COL19A1: variants seen among roughly 807,000 people sequenced by gnomAD.
The protein encoded by COL19A1 is collagen alpha-1(XIX) chain.
A neutral mutation model predicts 190.2 loss-of-function variants in COL19A1; 159 were observed. The observed-to-expected ratio is 0.84, with a 90% CI of 0.73 to 0.95. The LOEUF is 0.95. Among genes scored for constraint, COL19A1 ranks in the 40% least tolerant of loss-of-function variants. The probability of loss-of-function intolerance (pLI) is 0.00; values close to 1 mark genes in which losing one functional copy is unlikely to be tolerated. For synonymous variants in COL19A1, 509 were observed against 458.9 expected (o/e 1.11, Z -1.39); for missense variants, 1,418 against 1,431.9 (o/e 0.99, Z 0.16).
intron 2 of COL19A1, among the ~76,000 whole-genome samples, chr6:69,880,198 A>G (rs1768439612): frequency 6.6e-6 from 1 of 152,240 alleles, no homozygotes; most frequent in Non-Finnish European, 1.5e-5. Flanking sequence ...TAAATGTATC[A>G]GTCTTTTCAT....
chr6:69,999,711 A>G (rs530324080), intron 11 of COL19A1, among the ~76,000 whole-genome samples: 2 of 152,196 alleles, frequency 1.3e-5, no homozygotes, highest in African/African-American at 2.4e-5. Flanking sequence ...ACAAAGCACT[A>G]AATTAGTATC....
At chr6:69,964,930 A>G (rs1439497309) in intron 11 of COL19A1, among the ~76,000 whole-genome samples, 1 of 152,178 alleles carries the variant, frequency 6.6e-6, no homozygotes, top group African/African-American at 2.4e-5. Flanking sequence ...GAGTTTTTTC[A>G]ATGTTAGCAT....
chr6:69,899,013 G>A lies in COL19A1; in HGVS notation c.157G>A (p.Glu53Lys). 1 of 1,605,950 alleles carries A rather than the reference G, an allele frequency of 6.2e-7. No homozygotes were observed. Among genetic ancestry groups the A allele is most frequent in the Non-Finnish European group, 8.5e-7 (1 of 1,173,050 alleles). The change falls in exon 3 of 51, where the codon GAA becomes AAA. Residue 53 changes from glutamate to lysine, a missense_variant. By Grantham distance (56) the Glu-to-Lys change is moderately conservative. Transcript: ENST00000620364. ...GACATATGACAACATAAACAAACTT[G>A]AAGTTTCAGGTAGGCAATATAATCC... is the stretch of plus-strand genomic sequence containing the variant. The part of the protein sequence containing the change: ...QLTYDNINKL[E>K]VSGFDLGDSF...
At chr6:69,927,094 A>G (rs905919935) in intron 4 of COL19A1, among the ~76,000 whole-genome samples, 6 of 152,182 alleles carry the variant, frequency 3.9e-5, no homozygotes. Flanking sequence ...CATCTGCCCT[A>G]TAAGAAATAG....
At chr6:70,205,165 C>A (rs1767781399) in intron 49 of COL19A1, among the ~76,000 whole-genome samples, 1 of 152,080 alleles carries the variant, frequency 6.6e-6, no homozygotes, top group African/African-American at 2.4e-5. Flanking sequence ...CTACTATATA[C>A]TTCAAAATAT....
At chr6:70,018,289 T>C (rs1290535334) in intron 11 of COL19A1, among the ~76,000 whole-genome samples, 1 of 152,116 alleles carries the variant, frequency 6.6e-6, no homozygotes, top group African/African-American at 2.4e-5. Context: ...TCTTTTTTCT[T>C]GGTAGAAAGC....
At chr6:70,060,834 A>G (rs964669507) in intron 14 of COL19A1, among the ~76,000 whole-genome samples, 1 of 152,148 alleles carries the variant, frequency 6.6e-6, no homozygotes, top group Non-Finnish European at 1.5e-5. Flanking sequence ...CCATGCCCCC[A>G]TCAGGGTTCA....
chr6:69,899,597 A>G (rs2149972226), intron 3 of COL19A1, among the ~76,000 whole-genome samples: 1 of 152,326 alleles, frequency 6.6e-6, no homozygotes, highest in South Asian at 2.1e-4. Flanking sequence ...AAATTTTGGA[A>G]GAAGAAAAAA....
chr6:69,955,869 G>A (rs1383857384), intron 9 of COL19A1, among the ~76,000 whole-genome samples: 1 of 151,990 alleles, frequency 6.6e-6, no homozygotes, highest in Admixed American at 6.6e-5. Context: ...TATGGGGAAG[G>A]TTAATTTGGG....
At chr6:70,043,932 G>A (rs935180534) in intron 14 of COL19A1, among the ~76,000 whole-genome samples, 3 of 152,220 alleles carry the variant, frequency 2.0e-5, no homozygotes, top group African/African-American at 7.2e-5. Context: ...CTCCAGCTAT[G>A]AAAGTCTTAG....
chr6:70,020,998 T>G (rs1238840082), intron 11 of COL19A1, among the ~76,000 whole-genome samples: 3 of 152,144 alleles, frequency 2.0e-5, no homozygotes, highest in African/African-American at 7.2e-5. Context: ...TAAGAGACAT[T>G]GACTCCTACT....
chr6:69,976,753 G>A (rs1562052145), intron 11 of COL19A1, among the ~76,000 whole-genome samples: 1 of 152,110 alleles, frequency 6.6e-6, no homozygotes, highest in Non-Finnish European at 1.5e-5. Context: ...GTGACCACCA[G>A]AGAAAAAAAC....
intron 18 of COL19A1, among the ~76,000 whole-genome samples, chr6:70,136,420 T>A (rs1344111721): frequency 1.3e-5 from 2 of 152,168 alleles, no homozygotes; most frequent in Non-Finnish European, 2.9e-5. Context: ...TAAACGCTGG[T>A]TTATTAACAT....
chr6:69,898,887 A>T, intron 2 of COL19A1, 61 bp from the exon 3 acceptor site: 1 of 946,038 alleles, frequency 1.1e-6, no homozygotes, highest in Non-Finnish European at 1.7e-6. Flanking sequence ...TTCTGATTGT[A>T]CTGTGTAATT....
rs749289341 is a variant in COL19A1 at position 70,146,809 on chromosome 6, C to A, written c.1816-3C>A. 6 of 1,591,520 alleles carry A rather than the reference C, an allele frequency of 3.8e-6. No individual in the cohort carries two copies. In the African/African-American group the frequency reaches 8.1e-5, roughly 22 times the overall value. On this transcript the variant is annotated splice_region_variant and splice_polypyrimidine_tract_variant and intron_variant, in intron 26 of 50. Coordinates refer to ENST00000620364, the MANE Select transcript of COL19A1 (RefSeq NM_001858.6). ...GCAGTAACAGAAGCCTTTCATTTCACAGGGTGAAAGAGGACTTCCAGGTGT... is the reference window on the plus strand; with the variant it reads ...GCAGTAACAGAAGCCTTTCATTTCAAAGGGTGAAAGAGGACTTCCAGGTGT...
Position 70,102,074 on chromosome 6 carries a change from A to AT in COL19A1, c.1225-90dup, listed in dbSNP as rs574190436. ...GGAATTGTTTCTTAACTTTCTGTTCATTTTTACTGTCTTCAATATTCCCAT... is the reference window on the plus strand; with the variant it reads ...GGAATTGTTTCTTAACTTTCTGTTCATTTTTTACTGTCTTCAATATTCCCAT... On this transcript the variant is annotated intron_variant, in intron 15 of 50. Transcript: ENST00000620364. 91 of 1,039,746 alleles carry AT rather than the reference A, an allele frequency of 8.8e-5. 1 individual carries two copies. The Admixed American group carries it at 1.3e-3, about 15-fold the overall frequency. The allele number at this position is 1,039,746 out of a possible 1,614,324, so 64.4% of individuals were successfully genotyped here.
intron 4 of COL19A1, among the ~76,000 whole-genome samples, chr6:69,925,447 C>T (rs1457228616): frequency 6.6e-6 from 1 of 152,050 alleles, no homozygotes; most frequent in African/African-American, 2.4e-5. Flanking sequence ...TGGTCTATAT[C>T]TCTGTTTTGA....
At chr6:69,889,648 T>G (rs1462007137) in intron 2 of COL19A1, among the ~76,000 whole-genome samples, 1 of 151,862 alleles carries the variant, frequency 6.6e-6, no homozygotes, top group Admixed American at 6.6e-5. Context: ...AATGCACCAA[T>G]CAGCGCTCTG....
chr6:70,158,315 G>A (rs180953124), intron 34 of COL19A1, among the ~76,000 whole-genome samples: 35 of 152,138 alleles, frequency 2.3e-4, no homozygotes, highest in African/African-American at 8.4e-4. Context: ...CCAAAAACAA[G>A]TGCATTTCCA....
Sources: gnomAD v4.1 joint callset for allele counts (sites outside exome capture counted in the v4.1 genomes callset) on GRCh38, gnomAD v4.1.1 for gene constraint, MANE v1.5 for transcripts, NCBI Gene and HGNC (gene_info 2026-07-23, HGNC 2026-07-21) for gene names.